GRIP1: variants seen among roughly 807,000 people sequenced by gnomAD.
GRIP1 encodes glutamate receptor interacting protein 1.
In GRIP1, 45 loss-of-function variants were observed where a neutral mutation model predicts 129.9. That is an observed-to-expected ratio of 0.35 (90% CI 0.27 to 0.44). The LOEUF is 0.44. Ranked by LOEUF, GRIP1 falls within the 20% of genes least tolerant of loss-of-function variation. The probability of loss-of-function intolerance (pLI) is 1.00; values close to 1 mark genes in which losing one functional copy is unlikely to be tolerated. For synonymous variants in GRIP1, 530 were observed against 520.8 expected (o/e 1.02, Z -0.24); for missense variants, 1,196 against 1,396.8 (o/e 0.86, Z 2.29).
chr12:66,901,942 C>CT (rs770374297), intron 1 of GRIP1, among the ~76,000 whole-genome samples: 1 of 152,170 alleles, frequency 6.6e-6, no homozygotes, highest in Non-Finnish European at 1.5e-5. Context: ...CAACAAAAAA[C>CT]TTTAAGTATT....
rs2039777603 is a variant in GRIP1, at chr12:66,844,451, C to T, written c.58+224599G>A. Among the ~76,000 whole-genome samples the T allele has an allele frequency of 2.6e-5, 4 of 152,080 alleles. No individual in the cohort carries two copies. The South Asian group carries it at 8.3e-4, about 32-fold the overall frequency. ...AAGAACAACAACAACAACAAAGAAA[C>T]AGAAAATAACAAGTGTTGCTGACGA... On this transcript the variant is annotated intron_variant, in intron 1 of 1. Coordinates refer to the GRIP1 transcript ENST00000643019.
rs1204202692 is a variant in GRIP1, at chr12:66,482,837, CAGA to C, written c.725-17418_725-17416del. Among the ~76,000 whole-genome samples the C allele has an allele frequency of 2.0e-5, 3 of 152,110 alleles. No individual in the cohort carries two copies. The East Asian group carries it at 5.8e-4, about 29-fold the overall frequency. ...AAATAATCAAGAGCCCATCCCTAGA[CAGA>C]AGATTAGTTTATCCTGCTGAAATGA... On this transcript the variant is annotated intron_variant, in intron 7 of 24. Transcript: ENST00000359742.
At chr12:66,786,412 C>G (rs1425921497) in intron 1 of GRIP1, among the ~76,000 whole-genome samples, 2 of 152,036 alleles carry the variant, frequency 1.3e-5, no homozygotes, top group Non-Finnish European at 2.9e-5. Flanking sequence ...AACTGCAAGA[C>G]AGCAGCAGGG....
At chr12:66,782,498 C>A (rs2038193798) in intron 1 of GRIP1, among the ~76,000 whole-genome samples, 1 of 152,100 alleles carries the variant, frequency 6.6e-6, no homozygotes, top group Non-Finnish European at 1.5e-5. Flanking sequence ...AATTAACTAC[C>A]AATTAGAAAC....
chr12:66,664,104 C>T (rs1263471120), intron 1 of GRIP1, among the ~76,000 whole-genome samples: 1 of 151,352 alleles, frequency 6.6e-6, no homozygotes, highest in East Asian at 1.9e-4. Context: ...AGGGAGATTA[C>T]ATTTTTTTTT....
chr12:66,462,501 T>C (rs975956418), intron 9 of GRIP1, among the ~76,000 whole-genome samples: 6 of 152,190 alleles, frequency 3.9e-5, no homozygotes, highest in African/African-American at 1.2e-4. Context: ...GAAAATTTTT[T>C]CCTCGATGTT....
At chr12:66,910,304 T>C (rs2041007442) in intron 1 of GRIP1, among the ~76,000 whole-genome samples, 1 of 152,206 alleles carries the variant, frequency 6.6e-6, no homozygotes, top group Admixed American at 6.5e-5. Context: ...GTGGAGGGCC[T>C]ATATCTATCT....
chr12:66,648,671 G>A (rs1009702682), intron 1 of GRIP1, among the ~76,000 whole-genome samples: 1 of 152,184 alleles, frequency 6.6e-6, no homozygotes, highest in Non-Finnish European at 1.5e-5. Context: ...AATGCACAGC[G>A]AGCAAGAAGT....
At chr12:66,882,554 T>C (rs567079154) in intron 1 of GRIP1, among the ~76,000 whole-genome samples, 1 of 152,122 alleles carries the variant, frequency 6.6e-6, no homozygotes, top group Non-Finnish European at 1.5e-5. Flanking sequence ...AATGAGACTA[T>C]TGTGAGAATT....
At chr12:66,945,280 A>G (rs1398024155) in intron 1 of GRIP1, among the ~76,000 whole-genome samples, 1 of 152,212 alleles carries the variant, frequency 6.6e-6, no homozygotes, top group African/African-American at 2.4e-5. Context: ...TAATAAGCAC[A>G]GTAGCCAACA....
intron 14 of GRIP1, among the ~76,000 whole-genome samples, chr12:66,430,273 G>A (rs533411182): frequency 1.3e-5 from 2 of 152,256 alleles, no homozygotes; most frequent in East Asian, 3.9e-4. Context: ...TTCCCATGAG[G>A]AGACACAAAA....
intron 1 of GRIP1, among the ~76,000 whole-genome samples, chr12:66,921,130 T>C (rs1305780658): frequency 6.6e-6 from 1 of 152,206 alleles, no homozygotes; most frequent in Non-Finnish European, 1.5e-5. Context: ...CTCACCTAGA[T>C]GGACATAATA....
chr12:66,568,758 G>T (rs551647170), intron 2 of GRIP1: 2 of 243,068 alleles, frequency 8.2e-6, no homozygotes, highest in Non-Finnish European at 1.7e-5. Flanking sequence ...GCTTGGAGAA[G>T]TTAGACCGCT....
chr12:66,867,251 A>T (rs1044039129), intron 1 of GRIP1, among the ~76,000 whole-genome samples: 5 of 152,100 alleles, frequency 3.3e-5, no homozygotes, highest in Admixed American at 2.0e-4. Flanking sequence ...AGCCTCCCAA[A>T]GTGTTGGGAT....
intron 1 of GRIP1, among the ~76,000 whole-genome samples, chr12:66,734,068 A>C (rs2036522100): frequency 6.6e-6 from 1 of 152,196 alleles, no homozygotes; most frequent in South Asian, 2.1e-4. Context: ...GCAGGAATCA[A>C]AGTTGCTTGC....
rs147122320 is a variant in GRIP1 at position 66,529,488 on chromosome 12, A to G, written c.502+343T>C. Among the ~76,000 whole-genome samples, 119 of 152,360 alleles carry G rather than the reference A, an allele frequency of 7.8e-4. 1 individual carries two copies. The highest frequency in any genetic ancestry group is 2.8e-3 in the African/African-American group (117 of 41,592). ...GGAATGAATTAATGGAATTTGCAGC[A>G]ATCTGGATGGAATTGGAGACCATTA... On this transcript the variant is annotated intron_variant, in intron 5 of 24. Transcript: ENST00000359742.
At chr12:66,570,773 T>C (rs1389543467) in intron 2 of GRIP1, among the ~76,000 whole-genome samples, 1 of 152,174 alleles carries the variant, frequency 6.6e-6, no homozygotes, top group Non-Finnish European at 1.5e-5. Context: ...TTTTTTTTCT[T>C]AAAGAACTCC....
intron 1 of GRIP1, among the ~76,000 whole-genome samples, chr12:66,781,786 T>G (rs1046015768): frequency 1.3e-5 from 2 of 152,184 alleles, no homozygotes; most frequent in African/African-American, 4.8e-5. Context: ...GCATGAAGGT[T>G]TTAAAACAGA....
chr12:66,937,669 G>C (rs1259240818), intron 1 of GRIP1, among the ~76,000 whole-genome samples: 2 of 152,190 alleles, frequency 1.3e-5, no homozygotes, highest in African/African-American at 2.4e-5. Context: ...AGAGATTTTA[G>C]AGTGGAGATG....
Sources: gnomAD v4.1 joint callset for allele counts (sites outside exome capture counted in the v4.1 genomes callset) on GRCh38, gnomAD v4.1.1 for gene constraint, MANE v1.5 for transcripts, NCBI Gene and HGNC (gene_info 2026-07-23, HGNC 2026-07-21) for gene names.